Variants in XRN1 observed in about 807,000 individuals in gnomAD.
XRN1 encodes the protein strand-exchange protein 1 homolog.
In XRN1, 67 loss-of-function variants were observed where a neutral mutation model predicts 222.3. The ratio of observed to expected loss-of-function variants is 0.30; its 90% CI spans 0.25 to 0.37. XRN1 has a LOEUF of 0.37. Among genes scored for constraint, XRN1 ranks in the 10% least tolerant of loss-of-function variants. The probability of loss-of-function intolerance (pLI) is 1.00; values close to 1 mark genes in which losing one functional copy is unlikely to be tolerated. For synonymous variants in XRN1, 643 were observed against 652.4 expected, an observed-to-expected ratio of 0.99 and a Z score of 0.22; for missense variants, 1,707 against 2,000.2, an observed-to-expected ratio of 0.85 and a Z score of 2.80.
At chr3:142,395,431 T>C (rs769625519) in intron 20 of XRN1, among the ~76,000 whole-genome samples, 1 of 152,208 alleles carries the variant, frequency 6.6e-6, no homozygotes, top group Non-Finnish European at 1.5e-5. Flanking sequence ...CGAGTATACA[T>C]TGTTATCATC....
At chr3:142,399,843 C>A (rs1053253867) in intron 19 of XRN1, among the ~76,000 whole-genome samples, 3 of 145,220 alleles carry the variant, frequency 2.1e-5, no homozygotes, top group Admixed American at 1.4e-4. Context: ...AACTCAAAAT[C>A]AAAAAACATA....
chr3:142,448,004 C>A lies in XRN1; in HGVS notation c.-60G>T. 5 of 1,570,010 alleles carry A rather than the reference C, an allele frequency of 3.2e-6. No individual in the cohort carries two copies. Among genetic ancestry groups the A allele is most frequent in the South Asian group, 1.1e-5 (1 of 89,750 alleles). On this transcript the variant is annotated 5_prime_UTR_variant, in exon 1 of 41. Coordinates refer to ENST00000392981, the MANE Select transcript of XRN1 (RefSeq NM_001282857.2). ...ACCGAAACCAAACGCCCCGCCGGGGCTCCGCCGCAGCCTCCGGTCGTCGCT... is the reference window on the plus strand; with the variant it reads ...ACCGAAACCAAACGCCCCGCCGGGGATCCGCCGCAGCCTCCGGTCGTCGCT...
intron 20 of XRN1, among the ~76,000 whole-genome samples, chr3:142,390,059 T>C (rs74744910): frequency 0.018 from 2,794 of 152,338 alleles, 46 homozygotes; most frequent in East Asian, 0.072. Flanking sequence ...GGACTTAACA[T>C]ATTCAGTAAA....
At chr3:142,376,001 CGA>C (rs1577321596) in intron 24 of XRN1, 57 bp from the exon 25 acceptor site, 1 of 1,488,728 alleles carries the variant, frequency 6.7e-7, no homozygotes, top group Non-Finnish European at 8.9e-7. Flanking sequence ...CACACACACA[CGA>C]GTTTTAAAAT....
At chr3:142,322,638 G>T (rs763696879) in intron 37 of XRN1, among the ~76,000 whole-genome samples, 1 of 151,948 alleles carries the variant, frequency 6.6e-6, no homozygotes, top group African/African-American at 2.4e-5. Context: ...TCGTGCCACC[G>T]CACTCTAGCC....
chr3:142,381,563 C>CTTTTTTTTTTTT, intron 22 of XRN1, among the ~76,000 whole-genome samples: 1 of 84,250 alleles, frequency 1.2e-5, no homozygotes, highest in Non-Finnish European at 2.5e-5. Flanking sequence ...TAAGTTATTG[C>CTTTTTTTTTTTT]TTTTTTTTTT....
intron 1 of XRN1, among the ~76,000 whole-genome samples, chr3:142,444,674 T>C (rs1035728091): frequency 2.0e-5 from 3 of 152,110 alleles, no homozygotes; most frequent in African/African-American, 4.8e-5. Context: ...AGGGTGACGA[T>C]AGGCAATAAT....
intron 15 of XRN1, chr3:142,407,627 C>G (rs1248698744): frequency 6.6e-6 from 1 of 152,226 alleles, no homozygotes; most frequent in Non-Finnish European, 1.5e-5. Context: ...CTGTGCCCGG[C>G]CTACTTTTTT....
chr3:142,383,060 C>G (rs2067361525), intron 22 of XRN1, among the ~76,000 whole-genome samples: 2 of 151,930 alleles, frequency 1.3e-5, no homozygotes. Context: ...AAAAAGAGAT[C>G]AGGATTTGAA....
chr3:142,343,587 C>T (rs1437929816), intron 33 of XRN1, among the ~76,000 whole-genome samples: 1 of 151,902 alleles, frequency 6.6e-6, no homozygotes, highest in Non-Finnish European at 1.5e-5. Context: ...GAGTAACAAA[C>T]GCTGGTGAGG....
chr3:142,348,956 T>C (rs2066230285), intron 32 of XRN1, among the ~76,000 whole-genome samples: 1 of 150,464 alleles, frequency 6.6e-6, no homozygotes, highest in Non-Finnish European at 1.5e-5. Flanking sequence ...TCTTCAGTTT[T>C]GTTTTTTGTT....
rs369900430 is a variant in XRN1 at position 142,397,230 on chromosome 3, T to G, written c.2339+99A>C. On this transcript the variant is annotated intron_variant, in intron 20 of 40. Coordinates refer to ENST00000392981, the MANE Select transcript of XRN1 (RefSeq NM_001282857.2). ...AACAGGATGAAGGTGTAATTAGTAT[T>G]CAGAGTAACTACTATGTTAAATGGA... is the stretch of plus-strand genomic sequence containing the variant. The G allele has an allele frequency of 2.6e-6, 3 of 1,163,196 alleles. No homozygotes were observed. The African/African-American group carries it at 4.7e-5, about 18-fold the overall frequency. The allele number at this position is 1,163,196 out of a possible 1,614,324, so 72.1% of individuals were successfully genotyped here.
chr3:142,400,656 C>T, intron 18 of XRN1, 109 bp from the exon 19 acceptor site: 1 of 780,530 alleles, frequency 1.3e-6, no homozygotes, highest in South Asian at 2.0e-5. Context: ...CTAAAATAAA[C>T]AAGTTGGGGC....
chr3:142,334,650 T>C (rs2065795846), intron 34 of XRN1, among the ~76,000 whole-genome samples: 1 of 149,730 alleles, frequency 6.7e-6, no homozygotes, highest in Non-Finnish European at 1.5e-5. Context: ...TCTATGTATA[T>C]ATATAAGACC....
chr3:142,445,262 C>T (rs1577470609), intron 1 of XRN1, among the ~76,000 whole-genome samples: 1 of 151,934 alleles, frequency 6.6e-6, no homozygotes, highest in Non-Finnish European at 1.5e-5. Flanking sequence ...AATTGATACA[C>T]GTTGTTCTTT....
At chr3:142,432,165 A>G (rs1054157829) in intron 2 of XRN1, among the ~76,000 whole-genome samples, 1 of 111,396 alleles carries the variant, frequency 9.0e-6, no homozygotes, top group Non-Finnish European at 1.6e-5. Context: ...ATTTATATAT[A>G]AATATATAAA....
chr3:142,411,112 T>G (rs949168629), intron 15 of XRN1, among the ~76,000 whole-genome samples: 2 of 152,194 alleles, frequency 1.3e-5, no homozygotes, highest in African/African-American at 4.8e-5. Flanking sequence ...GTTGTTGAAT[T>G]TGTTGACATA....
intron 36 of XRN1, 98 bp from the exon 37 acceptor site, chr3:142,329,713 G>A (rs1439773350): frequency 1.7e-6 from 2 of 1,199,078 alleles, no homozygotes; most frequent in Non-Finnish European, 2.2e-6. Context: ...GCAGGAAACT[G>A]CTAAAAAGTG....
At chr3:142,320,842 T>C (rs1269481415) in intron 37 of XRN1, among the ~76,000 whole-genome samples, 1 of 152,162 alleles carries the variant, frequency 6.6e-6, no homozygotes, top group South Asian at 2.1e-4. Flanking sequence ...TTCCATGAAG[T>C]ACAATTTGTC....
Sources: allele counts gnomAD v4.1 joint callset (sites outside exome capture counted in the v4.1 genomes callset), GRCh38; gene constraint gnomAD v4.1.1; transcripts MANE v1.5; gene names NCBI Gene and HGNC (gene_info 2026-07-23, HGNC 2026-07-21).